The following KIAA0232 variants were observed in gnomAD, a reference collection of about 807,000 sequenced individuals.
The protein encoded by KIAA0232 is KIAA0232, also known as uncharacterized protein KIAA0232.
A neutral mutation model predicts 122.0 loss-of-function variants in KIAA0232; 27 were observed. That is an observed-to-expected ratio of 0.22 (90% CI 0.16 to 0.31). The LOEUF is 0.31. KIAA0232 is among the 10% of genes least tolerant of loss of function. The probability of loss-of-function intolerance (pLI) is 1.00; values close to 1 mark genes in which losing one functional copy is unlikely to be tolerated. For synonymous variants in KIAA0232, 613 were observed against 587.6 expected, an observed-to-expected ratio of 1.04 and a Z score of -0.63; for missense variants, 1,551 against 1,634.2, an observed-to-expected ratio of 0.95 and a Z score of 0.88.
At chr4:6,878,100 C>T (rs983162442) in intron 9 of KIAA0232, among the ~76,000 whole-genome samples, 9 of 152,270 alleles carry the variant, frequency 5.9e-5, no homozygotes, top group African/African-American at 1.7e-4. Context: ...GTCAGCCGGG[C>T]GCTGTGGCTC....
At chr4:6,798,350 G>C (rs762559732) in intron 1 of KIAA0232, among the ~76,000 whole-genome samples, 2 of 152,194 alleles carry the variant, frequency 1.3e-5, no homozygotes, top group South Asian at 4.1e-4. Context: ...AGAGAGCCTA[G>C]GTACTTAAGG....
chr4:6,843,244 AT>A (rs1719759471), intron 4 of KIAA0232, among the ~76,000 whole-genome samples: 1 of 152,112 alleles, frequency 6.6e-6, no homozygotes, highest in Non-Finnish European at 1.5e-5. Flanking sequence ...TGACCATACT[AT>A]TTGAGAAGGT....
intron 8 of KIAA0232, 93 bp downstream of exon 8, chr4:6,871,775 C>T: frequency 1.3e-6 from 1 of 790,682 alleles, no homozygotes; most frequent in South Asian, 1.6e-5. Context: ...GTCCAAGAAA[C>T]ATTTACCAAG....
intron 2 of KIAA0232, among the ~76,000 whole-genome samples, chr4:6,805,474 T>C (rs955483364): frequency 2.6e-5 from 4 of 152,216 alleles, no homozygotes; most frequent in Non-Finnish European, 5.9e-5. Flanking sequence ...TTTGGAGAAC[T>C]ATAATTTGTA....
chr4:6,857,062 T>C (rs1012375571), intron 4 of KIAA0232, 102 bp from the exon 5 acceptor site: 27 of 664,774 alleles, frequency 4.1e-5, no homozygotes, highest in Non-Finnish European at 4.7e-5. Flanking sequence ...TATTTTGGAA[T>C]GTGGATGATT....
chr4:6,801,761 A>G (rs1421417086), intron 1 of KIAA0232, among the ~76,000 whole-genome samples: 3 of 152,204 alleles, frequency 2.0e-5, no homozygotes, highest in African/African-American at 4.8e-5. Flanking sequence ...TAAATGTAGA[A>G]CATAGGGTTT....
At chr4:6,839,672 G>A (rs866940335) in intron 3 of KIAA0232, among the ~76,000 whole-genome samples, 3 of 152,146 alleles carry the variant, frequency 2.0e-5, no homozygotes, top group African/African-American at 4.8e-5. Context: ...GGGGGTAGTC[G>A]AAGGTCAGAG....
intron 7 of KIAA0232, among the ~76,000 whole-genome samples, chr4:6,864,626 C>T (rs1721071253): frequency 6.6e-6 from 1 of 151,228 alleles, no homozygotes; most frequent in Non-Finnish European, 1.5e-5. Context: ...GTAATCCCAG[C>T]TCCTTGGGAG....
chr4:6,865,170 GT>G (rs1479463093), intron 7 of KIAA0232, among the ~76,000 whole-genome samples: 1 of 152,176 alleles, frequency 6.6e-6, no homozygotes, highest in Non-Finnish European at 1.5e-5. Flanking sequence ...TAAACTGATT[GT>G]ACAAGAAATA....
At chr4:6,875,884 G>C (rs114944255) in intron 8 of KIAA0232, among the ~76,000 whole-genome samples, 2,282 of 152,260 alleles carry the variant, frequency 0.015, 52 homozygotes, top group African/African-American at 0.049. Flanking sequence ...GCAGTTCTCA[G>C]TGCATTAGAA....
intron 1 of KIAA0232, among the ~76,000 whole-genome samples, chr4:6,795,413 G>A (rs755577969): frequency 6.6e-6 from 1 of 152,154 alleles, no homozygotes; most frequent in Non-Finnish European, 1.5e-5. Context: ...AATCTGAATT[G>A]AGATGCGCTG....
Position 6,863,676 on chromosome 4 carries a change from G to C in KIAA0232, c.3294G>C (p.Arg1098Ser). ...GTGGTGTTGACAGAACACAATACAG[G>C]GCTATTCGGATCTCTCCTCGGACTC... ...RICGVDRTQY[R>S]AIRISPRTHF... The change falls in exon 7 of 10, where the codon AGG (arginine) becomes AGC (serine). Residue 1098 changes from arginine (R) to serine (S), a missense_variant. Arg to Ser is a moderately radical substitution (Grantham distance 110). This residue lies in a region of KIAA0232 where 1,108 missense variants were observed against 1,154.8 expected (regional missense o/e 0.96). Transcript: ENST00000307659. The C allele has an allele frequency of 6.2e-7, 1 of 1,614,130 alleles. No homozygotes were observed. The highest frequency in any genetic ancestry group is 8.5e-7 in the Non-Finnish European group (1 of 1,180,022).
At position 6,862,054 on chromosome 4, in the gene KIAA0232, A is replaced by G; in HGVS notation, c.1672A>G (p.Met558Val). The change falls in exon 7 of 10, where the codon ATG becomes GTG. Residue 558 changes from methionine to valine, a missense_variant. By Grantham distance (21) the Met-to-Val change is conservative (BLOSUM62 1). Coordinates refer to ENST00000307659, the MANE Select transcript of KIAA0232 (RefSeq NM_014743.3). ...AGAATGTTGCATAGTGTTAGATGGT[A>G]TGGAGTTGCAAGGGGAACGTGCAAT... Reference protein sequence around the residue: ...EAECCIVLDGMELQGERAIWT... With the variant: ...EAECCIVLDGVELQGERAIWT... The G allele has an allele frequency of 1.9e-6, 3 of 1,614,220 alleles. No individual in the cohort carries two copies. Among genetic ancestry groups the G allele is most frequent in the Non-Finnish European group, 2.5e-6 (3 of 1,180,036 alleles).
intron 2 of KIAA0232, among the ~76,000 whole-genome samples, chr4:6,816,331 C>T (rs1414603271): frequency 3.3e-5 from 5 of 149,524 alleles, no homozygotes; most frequent in Non-Finnish European, 7.4e-5. Context: ...TGCCCAGGCT[C>T]GAGTGCAGTG....
chr4:6,816,970 A>G (rs970811777), intron 2 of KIAA0232, among the ~76,000 whole-genome samples: 3 of 152,108 alleles, frequency 2.0e-5, no homozygotes, highest in African/African-American at 7.2e-5. Flanking sequence ...CTGGTAATCT[A>G]TGTCTTCTCT....
intron 1 of KIAA0232, among the ~76,000 whole-genome samples, chr4:6,792,556 G>A (rs1716943008): frequency 6.6e-6 from 1 of 151,872 alleles, no homozygotes; most frequent in Admixed American, 6.6e-5. Flanking sequence ...TTTTTATATT[G>A]CATGTAGAAT....
intron 4 of KIAA0232, among the ~76,000 whole-genome samples, chr4:6,849,102 T>C (rs1720131763): frequency 6.6e-6 from 1 of 152,184 alleles, no homozygotes; most frequent in African/African-American, 2.4e-5. Context: ...ACCATACTGG[T>C]TGCTGCACTG....
In KIAA0232 at chr4:6,812,657, A is replaced by G. The variant is rs186776854; in HGVS notation, c.-270+8051A>G. 3.5e-3 allele frequency among the ~76,000 whole-genome samples: 529 copies of G among 152,320 alleles called. 3 individuals carry two copies. Among genetic ancestry groups the G allele is most frequent in the African/African-American group, 0.012 (512 of 41,562 alleles). On this transcript the variant is annotated intron_variant, in intron 2 of 9. Coordinates refer to ENST00000307659, the MANE Select transcript of KIAA0232 (RefSeq NM_014743.3). Reference sequence around the variant, plus strand: ...GCTAATAAAGATATATATGATAAACATGAGAAGAAAGAAAGAAGTGCTGTG... The same window carrying G: ...GCTAATAAAGATATATATGATAAACGTGAGAAGAAAGAAAGAAGTGCTGTG...
chr4:6,800,043 CTTTTTTTTTTTTTTTTTTTTTTTT>C (rs752428517), intron 1 of KIAA0232, among the ~76,000 whole-genome samples: 3 of 60,036 alleles, frequency 5.0e-5, no homozygotes, highest in African/African-American at 2.0e-4. Flanking sequence ...TTCTTTCTTT[CTTTTTTTTTTTTTTTTTTTTTTTT>C]TTTTTTTTGA....
Sources: allele counts gnomAD v4.1 joint callset (sites outside exome capture counted in the v4.1 genomes callset), GRCh38; gene constraint gnomAD v4.1.1; regional missense constraint gnomAD v4.1.1; transcripts MANE v1.5; gene names NCBI Gene and HGNC (gene_info 2026-07-23, HGNC 2026-07-21).